Variants in VRK2 observed in about 807,000 individuals in gnomAD.
The protein encoded by VRK2 is VRK serine/threonine kinase 2.
In VRK2, 60 loss-of-function variants were observed where a neutral mutation model predicts 57.6. The ratio of observed to expected loss-of-function variants is 1.04; its 90% CI spans 0.85 to 1.29. The LOEUF (loss-of-function observed/expected upper bound fraction) is 1.29. VRK2 is among the 50% of genes most tolerant of loss of function. The probability of loss-of-function intolerance (pLI) is 0.00; values close to 1 mark genes in which losing one functional copy is unlikely to be tolerated. For synonymous variants in VRK2, 231 were observed against 199.2 expected (o/e 1.16, Z -1.35); for missense variants, 705 against 588.1 (o/e 1.20, Z -2.06).
At chr2:58,011,346 T>C (rs1673413279) in intron 1 of VRK2, among the ~76,000 whole-genome samples, 1 of 152,222 alleles carries the variant, frequency 6.6e-6, no homozygotes, top group South Asian at 2.1e-4. Flanking sequence ...ATTAATGGCA[T>C]TCCTTTTTTG....
intron 1 of VRK2, among the ~76,000 whole-genome samples, chr2:58,012,733 C>G (rs1454273329): frequency 1.3e-5 from 2 of 152,116 alleles, no homozygotes; most frequent in Non-Finnish European, 2.9e-5. Flanking sequence ...TAAGAAATTC[C>G]AAAGAATTTA....
chr2:58,020,161 C>T (rs1010388790), intron 1 of VRK2, among the ~76,000 whole-genome samples: 2 of 152,202 alleles, frequency 1.3e-5, no homozygotes, highest in African/African-American at 4.8e-5. Flanking sequence ...TACCTACCCA[C>T]TGAAAACAAA....
chr2:57,967,737 T>C (rs1270904822), intron 1 of VRK2, among the ~76,000 whole-genome samples: 2 of 150,566 alleles, frequency 1.3e-5, no homozygotes, highest in Non-Finnish European at 2.9e-5. Context: ...ATAGATGATT[T>C]GTATAGTTAT....
intron 1 of VRK2, among the ~76,000 whole-genome samples, chr2:57,963,692 G>A (rs1015902835): frequency 5.3e-5 from 8 of 152,168 alleles, no homozygotes; most frequent in Non-Finnish European, 1.0e-4. Flanking sequence ...CCCAGTAACA[G>A]TGTCTTCAAA....
chr2:58,140,856 A>C (rs1253951794), intron 11 of VRK2, among the ~76,000 whole-genome samples: 1 of 152,086 alleles, frequency 6.6e-6, no homozygotes, highest in Non-Finnish European at 1.5e-5. Context: ...TGACATCTGT[A>C]GGCCTGCATA....
At chr2:58,050,955 A>C in intron 2 of VRK2, among the ~76,000 whole-genome samples, 2 of 151,520 alleles carry the variant, frequency 1.3e-5, no homozygotes, top group Non-Finnish European at 1.5e-5. Flanking sequence ...AGCAATTCTC[A>C]TGCCTCAACC....
intron 1 of VRK2, among the ~76,000 whole-genome samples, chr2:58,001,725 G>A (rs2103624868): frequency 6.6e-6 from 1 of 152,234 alleles, no homozygotes; most frequent in East Asian, 1.9e-4. Flanking sequence ...GGGAGGCTGA[G>A]GCAGGAGAAT....
At chr2:58,019,562 T>C (rs1232860276) in intron 1 of VRK2, among the ~76,000 whole-genome samples, 1 of 152,224 alleles carries the variant, frequency 6.6e-6, no homozygotes, top group East Asian at 1.9e-4. Context: ...GAAAAATAAC[T>C]AGCATTCCAG....
intron 1 of VRK2, among the ~76,000 whole-genome samples, chr2:57,926,713 T>C (rs1010576221): frequency 2.6e-5 from 4 of 151,790 alleles, no homozygotes; most frequent in Admixed American, 1.3e-4. Flanking sequence ...TTTCCATCCC[T>C]TTTTTTAGTC....
intron 2 of VRK2, among the ~76,000 whole-genome samples, chr2:58,066,406 C>T (rs1007756889): frequency 1.3e-5 from 2 of 152,118 alleles, no homozygotes; most frequent in Non-Finnish European, 2.9e-5. Flanking sequence ...AACATTCTTG[C>T]ATTCCTCAAA....
At chr2:58,054,140 G>A (rs1028304613) in intron 2 of VRK2, among the ~76,000 whole-genome samples, 61 of 152,218 alleles carry the variant, frequency 4.0e-4, no homozygotes, top group African/African-American at 1.4e-3. Context: ...GGGTGTTTAA[G>A]AAAGTTTGGG....
intron 1 of VRK2, among the ~76,000 whole-genome samples, chr2:57,963,797 A>T (rs1671830344): frequency 6.6e-6 from 1 of 152,256 alleles, no homozygotes; most frequent in Admixed American, 6.5e-5. Context: ...ATAAGTGAAT[A>T]CAAGATTTGT....
Position 58,137,914 on chromosome 2 carries a change from C to CACAG in VRK2, c.857-1752_857-1751insACAG, listed in dbSNP as rs1171918741. Among the ~76,000 whole-genome samples, 93 of 152,284 alleles carry CACAG rather than the reference C, an allele frequency of 6.1e-4. 1 individual carries two copies. In the East Asian group the frequency reaches 0.017, roughly 28 times the overall value. On this transcript the variant is annotated intron_variant, in intron 10 of 12. Transcript: ENST00000340157. ...TTAAACCAGTATTACATCACAATAT[C>CACAG]TACGCTTCAGGTTTGTAATAATAAA...
At chr2:58,044,724 G>C (rs1674607183), upstream of VRK2, among the ~76,000 whole-genome samples, 1 of 152,192 alleles carries the variant, frequency 6.6e-6, no homozygotes, top group Non-Finnish European at 1.5e-5. Context: ...AGGTTGGAGA[G>C]TGGTCCAGGT....
chr2:58,120,184 C>CTT (rs397868874), intron 7 of VRK2, among the ~76,000 whole-genome samples: 605 of 51,972 alleles, frequency 0.012, 47 homozygotes, highest in African/African-American at 0.029. Context: ...TTTTTCTTTT[C>CTT]TTTTTTTTTT....
intron 7 of VRK2, 63 bp from the exon 8 acceptor site, chr2:58,123,038 A>T: frequency 1.3e-6 from 2 of 1,535,686 alleles, no homozygotes; most frequent in Non-Finnish European, 8.7e-7. Flanking sequence ...TTAAGACTTA[A>T]TTATAAAGGT....
At chr2:57,951,581 A>C (rs1212971071) in intron 1 of VRK2, among the ~76,000 whole-genome samples, 3 of 152,198 alleles carry the variant, frequency 2.0e-5, no homozygotes, top group African/African-American at 7.2e-5. Flanking sequence ...AAGAAGAGTC[A>C]ATTGATGCTG....
intron 12 of VRK2, among the ~76,000 whole-genome samples, chr2:58,146,994 TTTA>T (rs1682255003): frequency 1.3e-5 from 2 of 151,998 alleles, no homozygotes. Context: ...ATACAATGCA[TTTA>T]TTATCTGCAG....
chr2:58,016,046 T>C (rs1558541594), intron 1 of VRK2, among the ~76,000 whole-genome samples: 1 of 152,152 alleles, frequency 6.6e-6, no homozygotes, highest in South Asian at 2.1e-4. Flanking sequence ...CTTTTTCTTG[T>C]TCTAGAATTA....
Sources: allele counts gnomAD v4.1 joint callset (sites outside exome capture counted in the v4.1 genomes callset), GRCh38; gene constraint gnomAD v4.1.1; transcripts MANE v1.5; gene names NCBI Gene and HGNC (gene_info 2026-07-23, HGNC 2026-07-21).